Variants in NBEA observed in about 807,000 individuals in gnomAD.
NBEA encodes lysosomal-trafficking regulator 2.
A neutral mutation model predicts 343.4 loss-of-function variants in NBEA; 44 were observed. That is an observed-to-expected ratio of 0.13 (90% CI 0.10 to 0.16). NBEA has a LOEUF of 0.16. Ranked by LOEUF, NBEA falls within the 10% of genes least tolerant of loss-of-function variation. NBEA has a pLI of 1.00. For missense variants in NBEA, 2,555 were observed against 3,631.3 expected (o/e 0.70, Z 7.62); for synonymous variants, 1,175 against 1,238.7 (o/e 0.95, Z 1.08).
At chr13:35,330,239 A>G (rs2038843967) in intron 36 of NBEA, among the ~76,000 whole-genome samples, 1 of 152,066 alleles carries the variant, frequency 6.6e-6, no homozygotes, top group Admixed American at 6.6e-5. Context: ...ATCAAATGAG[A>G]TGATAACTGT....
chr13:34,948,935 G>A (rs182569750), intron 1 of NBEA, among the ~76,000 whole-genome samples: 2 of 152,278 alleles, frequency 1.3e-5, no homozygotes, highest in East Asian at 3.9e-4. Flanking sequence ...GCCTGTAGCT[G>A]CCATCCAAGA....
chr13:35,280,597 A>G (rs182684684), intron 34 of NBEA, among the ~76,000 whole-genome samples: 1 of 152,244 alleles, frequency 6.6e-6, no homozygotes, highest in African/African-American at 2.4e-5. Context: ...GTCTCATCAT[A>G]ATAAACTGAT....
At chr13:35,150,154 T>G (rs2068686561) in intron 18 of NBEA, among the ~76,000 whole-genome samples, 2 of 152,242 alleles carry the variant, frequency 1.3e-5, no homozygotes, top group Non-Finnish European at 2.9e-5. Context: ...TTAGTAATAA[T>G]ACTTGTTTTT....
intron 38 of NBEA, among the ~76,000 whole-genome samples, chr13:35,416,822 C>G (rs554199862): frequency 6.6e-6 from 1 of 152,202 alleles, no homozygotes; most frequent in Admixed American, 6.5e-5. Flanking sequence ...TTACCAGCTC[C>G]TCTTTGTACC....
chr13:35,037,620 G>A (rs1461796514), intron 1 of NBEA, among the ~76,000 whole-genome samples: 1 of 152,138 alleles, frequency 6.6e-6, no homozygotes, highest in African/African-American at 2.4e-5. Context: ...GCAAGATCTG[G>A]GATAATTCTC....
intron 11 of NBEA, among the ~76,000 whole-genome samples, chr13:35,101,508 G>A (rs569730231): frequency 2.0e-5 from 3 of 151,672 alleles, no homozygotes; most frequent in Admixed American, 1.3e-4. Flanking sequence ...TATATTCTTT[G>A]AAGAAATATC....
chr13:35,266,140 T>A (rs532977178), intron 34 of NBEA, among the ~76,000 whole-genome samples: 1 of 151,870 alleles, frequency 6.6e-6, no homozygotes, highest in South Asian at 2.1e-4. Context: ...AAAACCACAA[T>A]AAGATATCAC....
chr13:34,943,196 CCCCAGGGTCACACGCGCCGCGCGT>C (rs2059083985), intron 1 of NBEA, 82 bp downstream of exon 1: 3 of 1,530,562 alleles, frequency 2.0e-6, no homozygotes, highest in Non-Finnish European at 2.7e-6. Context: ...CACCCTTCAC[CCCCAGGGTCACACGCGCCGCGCGT>C]CCCTGGGAGC....
chr13:35,142,952 A>G (rs1048633106), intron 18 of NBEA, among the ~76,000 whole-genome samples: 2 of 152,078 alleles, frequency 1.3e-5, no homozygotes, highest in Non-Finnish European at 2.9e-5. Context: ...GGCTACTTTC[A>G]TTTTTAAATG....
intron 26 of NBEA, among the ~76,000 whole-genome samples, chr13:35,171,689 C>T (rs563814167): frequency 2.6e-5 from 4 of 152,036 alleles, no homozygotes; most frequent in East Asian, 3.9e-4. Flanking sequence ...AGTTTGAAAT[C>T]AAGAGTGAAA....
intron 38 of NBEA, among the ~76,000 whole-genome samples, chr13:35,375,931 G>A (rs886980586): frequency 2.0e-4 from 31 of 152,048 alleles, no homozygotes; most frequent in Admixed American, 1.8e-3. Context: ...GAAATGTAAT[G>A]CCTTTGTGTT....
chr13:34,995,625 A>G (rs762359083), intron 1 of NBEA, among the ~76,000 whole-genome samples: 5 of 152,146 alleles, frequency 3.3e-5, no homozygotes, highest in Non-Finnish European at 5.9e-5. Flanking sequence ...AAAAAAAAAC[A>G]ACTTAATTGG....
chr13:35,173,092 A>C (rs539091639), intron 26 of NBEA, among the ~76,000 whole-genome samples: 68 of 137,616 alleles, frequency 4.9e-4, no homozygotes, highest in African/African-American at 1.8e-3. Context: ...AGCTTTATTA[A>C]ATTTTTAAAT....
intron 30 of NBEA, among the ~76,000 whole-genome samples, chr13:35,187,469 A>G (rs2071804331): frequency 6.7e-6 from 1 of 149,906 alleles, no homozygotes; most frequent in Non-Finnish European, 1.5e-5. Context: ...GTACCATTTT[A>G]ATATAATAAA....
chr13:35,091,257 T>C (rs2065066955), intron 10 of NBEA, among the ~76,000 whole-genome samples: 1 of 151,934 alleles, frequency 6.6e-6, no homozygotes, highest in Admixed American at 6.6e-5. Flanking sequence ...TAGAATACAT[T>C]GCAGAGCAGA....
chr13:35,633,019 A>G (rs1484220786), intron 49 of NBEA, among the ~76,000 whole-genome samples: 2 of 151,670 alleles, frequency 1.3e-5, no homozygotes, highest in African/African-American at 4.8e-5. Context: ...TTATTTTGAA[A>G]AAAAAAAAAA....
At chr13:35,530,169 A>T (rs542461276) in intron 41 of NBEA, among the ~76,000 whole-genome samples, 1 of 152,324 alleles carries the variant, frequency 6.6e-6, no homozygotes, top group African/African-American at 2.4e-5. Context: ...GGTTCTTTTT[A>T]ATTACTGTGT....
chr13:35,627,922 A>G (rs2083296482), intron 48 of NBEA, among the ~76,000 whole-genome samples, 159 bp from the exon 49 acceptor site: 2 of 151,972 alleles, frequency 1.3e-5, no homozygotes, highest in Admixed American at 6.6e-5. Context: ...GTATTTTTCC[A>G]TTTCTAGGAA....
At chr13:35,007,070 T>A (rs1253603773) in intron 1 of NBEA, among the ~76,000 whole-genome samples, 1 of 69,836 alleles carries the variant, frequency 1.4e-5, no homozygotes, top group African/African-American at 5.5e-5. Context: ...TCCTCTGATG[T>A]GTGTAGATGT....
Sources: allele counts gnomAD v4.1 joint callset (sites outside exome capture counted in the v4.1 genomes callset), GRCh38; gene constraint gnomAD v4.1.1; transcripts MANE v1.5; gene names NCBI Gene and HGNC (gene_info 2026-07-23, HGNC 2026-07-21).